The following GRID2 variants were observed in gnomAD, a reference collection of about 807,000 sequenced individuals.
The protein encoded by GRID2 is glutamate ionotropic receptor delta type subunit 2, also known as glutamate receptor ionotropic, delta-2.
In GRID2, 33 loss-of-function variants were observed where a neutral mutation model predicts 114.8. That is an observed-to-expected ratio of 0.29 (90% confidence interval 0.22 to 0.38). The LOEUF (loss-of-function observed/expected upper bound fraction) is 0.38, where lower values mean the gene tolerates loss of function less well. Among genes scored for constraint, GRID2 ranks in the 10% least tolerant of loss-of-function variants. The pLI, the probability that GRID2 is intolerant of heterozygous loss-of-function variation, is 1.00. For missense variants in GRID2, 1,184 were observed against 1,257.7 expected (o/e 0.94, Z 0.89); for synonymous variants, 505 against 449.9 (o/e 1.12, Z -1.55).
intron 13 of GRID2, among the ~76,000 whole-genome samples, chr4:93,550,920 T>C (rs1230573321): frequency 6.6e-6 from 1 of 152,160 alleles, no homozygotes; most frequent in Non-Finnish European, 1.5e-5. Flanking sequence ...GCACCTACAG[T>C]GAGGCACTAT....
At chr4:92,531,901 T>G (rs1725376035) in intron 1 of GRID2, among the ~76,000 whole-genome samples, 1 of 152,276 alleles carries the variant, frequency 6.6e-6, no homozygotes, top group South Asian at 2.1e-4. Flanking sequence ...TAATTCAACT[T>G]ATGTTTAGAG....
At chr4:93,652,939 G>A (rs1344509090) in intron 14 of GRID2, among the ~76,000 whole-genome samples, 1 of 152,084 alleles carries the variant, frequency 6.6e-6, no homozygotes, top group African/African-American at 2.4e-5. Flanking sequence ...TCATTGAGAA[G>A]GGCCTGAGAT....
Position 93,451,521 on chromosome 4 carries a change from C to T in GRID2, c.1546-4141C>T, listed in dbSNP as rs544343627. ...GTTGAAGCAGGTTGGGGATAGCCTACGTAAAGGTGTGTAGACCATGTTTTT... is the reference window on the plus strand; with the variant it reads ...GTTGAAGCAGGTTGGGGATAGCCTATGTAAAGGTGTGTAGACCATGTTTTT... On this transcript the variant is annotated intron_variant, in intron 10 of 15. Transcript: ENST00000282020. 2.1e-4 allele frequency among the ~76,000 whole-genome samples: 32 copies of T among 152,114 alleles called. No homozygotes were observed. In the East Asian group the frequency reaches 4.3e-3, roughly 20 times the overall value.
At chr4:93,057,081 T>C (rs1194025045) in intron 2 of GRID2, among the ~76,000 whole-genome samples, 3 of 151,616 alleles carry the variant, frequency 2.0e-5, no homozygotes, top group Non-Finnish European at 2.9e-5. Flanking sequence ...GACATACAGC[T>C]CTATATAATT....
chr4:93,543,741 AG>A (rs1732903331), intron 13 of GRID2, among the ~76,000 whole-genome samples: 1 of 151,042 alleles, frequency 6.6e-6, no homozygotes, highest in Non-Finnish European at 1.5e-5. Flanking sequence ...AGAGAGAGAG[AG>A]AGAGAAGCAG....
At chr4:93,260,653 G>A (rs182512528) in intron 8 of GRID2, among the ~76,000 whole-genome samples, 33 of 151,828 alleles carry the variant, frequency 2.2e-4, no homozygotes, top group African/African-American at 7.0e-4. Context: ...CTCACAGTCA[G>A]CTTTATATTA....
chr4:93,431,281 G>T (rs541933311), intron 10 of GRID2, among the ~76,000 whole-genome samples: 2 of 152,156 alleles, frequency 1.3e-5, no homozygotes, highest in Non-Finnish European at 2.9e-5. Context: ...ACATTTGGGA[G>T]TCAGCAACCT....
At chr4:93,582,515 T>A (rs2149596665) in intron 13 of GRID2, among the ~76,000 whole-genome samples, 1 of 152,328 alleles carries the variant, frequency 6.6e-6, no homozygotes, top group Non-Finnish European at 1.5e-5. Flanking sequence ...CTTAAAAGAA[T>A]TATTTTAACT....
chr4:93,042,275 T>TTCTCTCTCTCTCTTTCTC (rs1725609105), intron 2 of GRID2, among the ~76,000 whole-genome samples: 5 of 125,628 alleles, frequency 4.0e-5, no homozygotes, highest in African/African-American at 1.3e-4. Flanking sequence ...CTCTCTCTCT[T>TTCTCTCTCTCTCTTTCTC]TCTCTCTCTC....
chr4:92,621,958 AGAG>A (rs1730298147), intron 2 of GRID2, among the ~76,000 whole-genome samples: 2 of 151,982 alleles, frequency 1.3e-5, no homozygotes, highest in African/African-American at 2.4e-5. Flanking sequence ...AAGGAGCTAA[AGAG>A]GAGAAATTTG....
intron 2 of GRID2, among the ~76,000 whole-genome samples, chr4:92,771,819 G>A (rs1437396883): frequency 6.6e-6 from 1 of 152,158 alleles, no homozygotes; most frequent in Non-Finnish European, 1.5e-5. Context: ...GGGAGGTAAT[G>A]CCTTTTCTGT....
intron 2 of GRID2, among the ~76,000 whole-genome samples, chr4:92,608,395 T>C (rs961840526): frequency 3.3e-5 from 5 of 151,880 alleles, no homozygotes; most frequent in Non-Finnish European, 7.4e-5. Context: ...AGTTCAAAGA[T>C]GCCGCTTCAA....
intron 8 of GRID2, among the ~76,000 whole-genome samples, chr4:93,388,113 T>C (rs1764505167): frequency 6.6e-6 from 1 of 152,160 alleles, no homozygotes. Context: ...CATGATTCTA[T>C]ATTACAGTGA....
intron 2 of GRID2, among the ~76,000 whole-genome samples, chr4:92,857,268 G>T (rs952365083): frequency 3.9e-5 from 6 of 152,134 alleles, no homozygotes; most frequent in Non-Finnish European, 7.3e-5. Context: ...TTAATCAAAG[G>T]CTAGAAATAA....
intron 2 of GRID2, among the ~76,000 whole-genome samples, chr4:92,681,424 C>A (rs553760395): frequency 6.6e-6 from 1 of 151,874 alleles, no homozygotes; most frequent in Non-Finnish European, 1.5e-5. Flanking sequence ...TTTGTCCTTG[C>A]GATAGTTTGC....
intron 2 of GRID2, among the ~76,000 whole-genome samples, chr4:93,076,004 C>T (rs1348184091): frequency 2.0e-5 from 3 of 148,338 alleles, no homozygotes; most frequent in Admixed American, 6.7e-5. Context: ...CCTGGGTTCA[C>T]GCCATTCTCC....
intron 2 of GRID2, among the ~76,000 whole-genome samples, chr4:92,913,610 G>T (rs1748553464): frequency 6.6e-6 from 1 of 151,844 alleles, no homozygotes; most frequent in South Asian, 2.1e-4. Context: ...CTGTATACGG[G>T]CATCTAATCA....
At chr4:92,400,663 A>T (rs192288790) in intron 1 of GRID2, among the ~76,000 whole-genome samples, 1 of 152,218 alleles carries the variant, frequency 6.6e-6, no homozygotes, top group African/African-American at 2.4e-5. Context: ...TTCATGTTTA[A>T]CATTTTGATA....
chr4:92,628,514 C>T (rs574527997), intron 2 of GRID2, among the ~76,000 whole-genome samples: 34 of 152,140 alleles, frequency 2.2e-4, no homozygotes, highest in African/African-American at 7.5e-4. Flanking sequence ...ACAGCCACCA[C>T]ACCCAGCTAA....
Sources: allele counts gnomAD v4.1 joint callset (sites outside exome capture counted in the v4.1 genomes callset), GRCh38; gene constraint gnomAD v4.1.1; transcripts MANE v1.5; gene names NCBI Gene and HGNC (gene_info 2026-07-23, HGNC 2026-07-21).